BPTF: variants seen among roughly 807,000 people sequenced by gnomAD.
The protein encoded by BPTF is nucleosome-remodeling factor subunit BPTF.
In BPTF, 18 loss-of-function variants were observed where a neutral mutation model predicts 292.5. That is an observed-to-expected ratio of 0.06 (90% CI 0.04 to 0.09). The LOEUF (loss-of-function observed/expected upper bound fraction) is 0.09, where lower values mean the gene tolerates loss of function less well. BPTF is among the 10% of genes least tolerant of loss of function. The probability of loss-of-function intolerance (pLI) is 1.00; values close to 1 mark genes in which losing one functional copy is unlikely to be tolerated. For synonymous variants in BPTF, 1,225 were observed against 1,251.9 expected (o/e 0.98, Z 0.45); for missense variants, 2,726 against 3,498.7 (o/e 0.78, Z 5.57).
chr17:67,872,631 A>G (rs1248010227), intron 3 of BPTF, among the ~76,000 whole-genome samples: 1 of 151,960 alleles, frequency 6.6e-6, no homozygotes, highest in African/African-American at 2.4e-5. Context: ...GCTTGAACCC[A>G]GGAGGCAGAG....
intron 24 of BPTF, among the ~76,000 whole-genome samples, chr17:67,961,456 T>C (rs1555683988): frequency 6.8e-6 from 1 of 147,926 alleles, no homozygotes; most frequent in Non-Finnish European, 1.5e-5. Context: ...CTGAACATCC[T>C]TCCAGAACAC....
At chr17:67,860,979 C>T (rs566747256) in intron 2 of BPTF, among the ~76,000 whole-genome samples, 1 of 152,316 alleles carries the variant, frequency 6.6e-6, no homozygotes, top group East Asian at 1.9e-4. Context: ...ACTGACTTCC[C>T]GTGCCTGAAT....
intron 7 of BPTF, among the ~76,000 whole-genome samples, chr17:67,899,369 A>G (rs2061667135): frequency 6.6e-6 from 1 of 152,150 alleles, no homozygotes; most frequent in African/African-American, 2.4e-5. Flanking sequence ...GGGTTTGCTC[A>G]TGATCTCACC....
chr17:67,948,060 A>G (rs781850688), intron 22 of BPTF, 21 bp from the exon 23 acceptor site: 4 of 1,596,736 alleles, frequency 2.5e-6, no homozygotes, highest in Non-Finnish European at 2.6e-6. Context: ...AGCATTACAT[A>G]GGTTGTGTAT....
intron 3 of BPTF, among the ~76,000 whole-genome samples, chr17:67,874,358 G>A (rs2059931770): frequency 1.3e-5 from 2 of 152,156 alleles, no homozygotes; most frequent in Admixed American, 6.5e-5. Flanking sequence ...TTGAGGAAAT[G>A]ATGGCCTGGA....
At position 67,886,957 on chromosome 17, in the gene BPTF, A is replaced by G. The variant is rs79726130; in HGVS notation, c.1865-4887A>G. Among the ~76,000 whole-genome samples, 135 of 152,270 alleles carry G rather than the reference A, an allele frequency of 8.9e-4. 1 individual carries two copies. The East Asian group carries it at 0.023, about 26-fold the overall frequency. ...TGGTGCTTTTGAACATCCTTAACGTATATCTTTGTGTACTTGTGCAGGTAT... is the reference window on the plus strand; with the variant it reads ...TGGTGCTTTTGAACATCCTTAACGTGTATCTTTGTGTACTTGTGCAGGTAT... On this transcript the variant is annotated intron_variant, in intron 4 of 27. Coordinates refer to ENST00000306378, the MANE Select transcript of BPTF (RefSeq NM_182641.4).
intron 1 of BPTF, among the ~76,000 whole-genome samples, chr17:67,843,118 GTAGA>G (rs2057694707): frequency 6.7e-6 from 1 of 149,772 alleles, no homozygotes; most frequent in South Asian, 2.1e-4. Flanking sequence ...GTAGATGTAT[GTAGA>G]TATATACCTA....
At chr17:67,840,254 A>C (rs557175680) in intron 1 of BPTF, among the ~76,000 whole-genome samples, 1 of 151,098 alleles carries the variant, frequency 6.6e-6, no homozygotes, top group East Asian at 1.9e-4. Flanking sequence ...TCAAGTGCGC[A>C]CCTCCACAGT....
chr17:67,974,896 T>C (rs782130758), intron 26 of BPTF: 2 of 151,824 alleles, frequency 1.3e-5, no homozygotes, highest in South Asian at 2.1e-4. Context: ...GATTACATCA[T>C]TGGCCATTGG....
chr17:67,936,276 A>G (rs1179292386), intron 18 of BPTF, among the ~76,000 whole-genome samples: 2 of 152,206 alleles, frequency 1.3e-5, no homozygotes, highest in African/African-American at 4.8e-5. Flanking sequence ...AGAAAGGAAG[A>G]TGGATTATTT....
chr17:67,956,932 C>G (rs2067004638), intron 23 of BPTF: 2 of 152,048 alleles, frequency 1.3e-5, no homozygotes, highest in East Asian at 1.9e-4. Flanking sequence ...CCACTGCACT[C>G]CAGCCTGGGA....
At chr17:67,877,353 G>A (rs1037990113) in intron 4 of BPTF, among the ~76,000 whole-genome samples, 1 of 152,160 alleles carries the variant, frequency 6.6e-6, no homozygotes, top group Non-Finnish European at 1.5e-5. Flanking sequence ...GCCTGGCTAT[G>A]TGCTAGACAC....
intron 1 of BPTF, among the ~76,000 whole-genome samples, chr17:67,843,518 GTAGATATATATC>G (rs2057745261): frequency 6.7e-6 from 1 of 148,780 alleles, no homozygotes; most frequent in African/African-American, 2.5e-5. Flanking sequence ...TTGAATGTAT[GTAGATATATATC>G]TAGATATATA....
intron 1 of BPTF, among the ~76,000 whole-genome samples, chr17:67,827,816 G>T (rs1258288690): frequency 2.0e-5 from 3 of 152,142 alleles, no homozygotes. Flanking sequence ...ATCGTTGCCA[G>T]TCTTGTCCGG....
At chr17:67,827,938 T>TC (rs1598068110) in intron 1 of BPTF, among the ~76,000 whole-genome samples, 2 of 150,824 alleles carry the variant, frequency 1.3e-5, no homozygotes, top group Non-Finnish European at 3.0e-5. Flanking sequence ...TACTTTTTTT[T>TC]TTTTTTTTTT....
chr17:67,890,172 T>G (rs1350983268), intron 4 of BPTF, among the ~76,000 whole-genome samples: 2 of 152,184 alleles, frequency 1.3e-5, no homozygotes, highest in Non-Finnish European at 2.9e-5. Context: ...TATTTAGAAT[T>G]TACTGGTTTT....
intron 9 of BPTF, among the ~76,000 whole-genome samples, chr17:67,907,601 C>T (rs1246428301): frequency 6.6e-6 from 1 of 152,112 alleles, no homozygotes; most frequent in Non-Finnish European, 1.5e-5. Context: ...AGTGATCTGC[C>T]TGCCTCGGCC....
Position 67,975,824 on chromosome 17 carries a change from G to C in BPTF, c.8592G>C (p.Thr2864=). ...RVQRRYYEKL[T]EFVADMTKIF... The stretch of plus-strand genomic sequence containing the variant: ...AAAGACGATATTATGAAAAGCTGAC[G>C]GAATTTGTGGCAGATATGACCAAAA... Residue 2864 remains threonine (T), a synonymous_variant, in exon 27 of 28, where the codon ACG becomes ACC. Transcript: ENST00000306378. 1 of 1,614,006 alleles carries C rather than the reference G, an allele frequency of 6.2e-7. No homozygotes were observed. The highest frequency in any genetic ancestry group is 8.5e-7 in the Non-Finnish European group (1 of 1,179,998).
intron 2 of BPTF, among the ~76,000 whole-genome samples, chr17:67,857,764 G>A (rs1011741227): frequency 1.6e-4 from 24 of 149,252 alleles, no homozygotes; most frequent in African/African-American, 5.9e-4. Flanking sequence ...ACTGCGTCTA[G>A]ACTAACAATA....
Sources: allele counts gnomAD v4.1 joint callset (sites outside exome capture counted in the v4.1 genomes callset), GRCh38; gene constraint gnomAD v4.1.1; transcripts MANE v1.5; gene names NCBI Gene and HGNC (gene_info 2026-07-23, HGNC 2026-07-21).